AREL1: variants seen among roughly 807,000 people sequenced by gnomAD.
The protein encoded by AREL1 is apoptosis resistant E3 ubiquitin protein ligase 1, also known as apoptosis-resistant E3 ubiquitin protein ligase 1.
AREL1 carries 62 observed loss-of-function variants against 99.0 expected under a neutral mutation model. That is an observed-to-expected ratio of 0.63 (90% CI 0.51 to 0.77). The LOEUF (loss-of-function observed/expected upper bound fraction) is 0.77. Among genes scored for constraint, AREL1 ranks in the 30% least tolerant of loss-of-function variants. The pLI is 0.00. For synonymous variants in AREL1, 380 were observed against 376.5 expected, an observed-to-expected ratio of 1.01 and a Z score of -0.11; for missense variants, 879 against 1,027.6, an observed-to-expected ratio of 0.86 and a Z score of 1.98.
rs544514304 is a variant in AREL1 at position 74,712,902 on chromosome 14, G to A, written c.-334+31C>T. On this transcript the variant is annotated intron_variant, in intron 1 of 19. Transcript: ENST00000356357. ...AACTCTGGTAAAGGCAGGTCTTCTG[G>A]GCTCTGCCTAAGGCTGGAGAGAAAC... 9.6e-6 allele frequency: 6 copies of A among 622,884 alleles called. No homozygotes were observed. The Admixed American group carries it at 1.1e-4, about 11-fold the overall frequency. The allele number at this position is 622,884 out of a possible 1,614,324, so 38.6% of individuals were successfully genotyped here.
At position 74,676,224 on chromosome 14, in the gene AREL1, T is replaced by G; in HGVS notation, c.749A>C (p.His250Pro). 6.2e-7 allele frequency: 1 copy of G among 1,614,154 alleles called. No individual in the cohort carries two copies. Among genetic ancestry groups the G allele is most frequent in the Non-Finnish European group, 8.5e-7 (1 of 1,180,028 alleles). Residue 250 changes from histidine to proline, a missense_variant, in exon 7 of 20, where the codon CAT (histidine) becomes CCT (proline). His to Pro is a moderately conservative substitution (Grantham distance 77). Coordinates refer to ENST00000356357, the MANE Select transcript of AREL1 (RefSeq NM_001039479.2). ...TFQVFLRLTL[H>P]SRGCFHACIS... is the part of the protein sequence containing the mutation. ...GCAAGCATGGAAGCAGCCTCGAGAATGCAGGGTGAGTCGCAAGAACACCTG... is the reference window on the plus strand; with the variant it reads ...GCAAGCATGGAAGCAGCCTCGAGAAGGCAGGGTGAGTCGCAAGAACACCTG...
rs1404444657 is a variant in AREL1 at position 74,663,694 on chromosome 14, G to A, written c.*26C>T. Reference sequence around the variant, plus strand: ...CGCCCAGAAGCTCCAGAGAGCATGGGAGCCAACTGGATGACAGGAGAGTGG... The same window carrying A: ...CGCCCAGAAGCTCCAGAGAGCATGGAAGCCAACTGGATGACAGGAGAGTGG... On this transcript the variant is annotated 3_prime_UTR_variant, in exon 20 of 20. Coordinates refer to ENST00000356357, the MANE Select transcript of AREL1 (RefSeq NM_001039479.2). The A allele has an allele frequency of 6.2e-7, 1 of 1,606,542 alleles. No homozygotes were observed. Among genetic ancestry groups the A allele is most frequent in the Non-Finnish European group, 8.5e-7 (1 of 1,174,154 alleles).
chr14:74,671,585 A>T, intron 11 of AREL1, 102 bp from the exon 12 acceptor site: 1 of 665,314 alleles, frequency 1.5e-6, no homozygotes, highest in Non-Finnish European at 2.5e-6. Flanking sequence ...TGGACTAACT[A>T]CGACTGCCTG....
At position 74,669,685 on chromosome 14, in the gene AREL1, T is replaced by C. The variant is rs773326414; in HGVS notation, c.1878A>G (p.Ala626=). The C allele has an allele frequency of 3.7e-6, 6 of 1,614,174 alleles. No homozygotes were observed. The South Asian group carries it at 5.5e-5, about 15-fold the overall frequency. ...NDMSEMELVF[A]EEKYNKSGQL... is the part of the protein sequence containing the mutation. ...GACCTGATTTATTATATTTCTCTTC[T>C]GCAAAGACCAGCTCCATCTCACTCA... The change falls in exon 15 of 20, where the codon GCA becomes GCG. Residue 626 remains alanine (A), a synonymous_variant. Coordinates refer to ENST00000356357, the MANE Select transcript of AREL1 (RefSeq NM_001039479.2).
At chr14:74,669,596 C>G (rs1026852265) in intron 15 of AREL1, 53 bp downstream of exon 15, 2 of 1,590,920 alleles carry the variant, frequency 1.3e-6, no homozygotes, top group African/African-American at 2.7e-5. Context: ...GACAGTCCTG[C>G]TCTACAGGAA....
At position 74,685,704 on chromosome 14, in the gene AREL1, T is replaced by G. The variant is rs548455173; in HGVS notation, c.-45-44A>C. The G allele has an allele frequency of 2.0e-5, 31 of 1,537,462 alleles. No homozygotes were observed. In the African/African-American group the frequency reaches 3.7e-4, roughly 18 times the overall value. ...TTTAGTTTTTGTCTCCAACTCTGCC[T>G]CATAGCTATCTCAGAGTAAGACAAA... On this transcript the variant is annotated intron_variant, in intron 2 of 19. Transcript: ENST00000356357.
intron 13 of AREL1, 151 bp from the exon 14 acceptor site, chr14:74,670,277 A>G (rs1350475234): frequency 9.0e-6 from 6 of 666,608 alleles, no homozygotes; most frequent in South Asian, 5.8e-5. Flanking sequence ...GGTAGCCACC[A>G]CTGAGTAATT....
Position 74,675,945 on chromosome 14 carries a change from C to T in AREL1, c.834G>A (p.Glu278=), listed in dbSNP as rs760627224. ...TGCGTTCGACGATATTCTTCTCATC[C>T]TCTGAAGTATAATAAGGAATAAGGT... ...NGEFDIIVLS[E]DEKNIVERNV... is the part of the protein sequence containing the mutation. Residue 278 remains glutamate, a splice_region_variant and synonymous_variant, in exon 8 of 20, where the codon GAG becomes GAA. Transcript: ENST00000356357. 1.3e-6 allele frequency: 2 copies of T among 1,584,862 alleles called. No individual in the cohort carries two copies. The highest frequency in any genetic ancestry group is 2.7e-5 in the African/African-American group (2 of 74,116).
At chr14:74,711,921 C>T (rs2090300333) in intron 1 of AREL1, 1 of 150,994 alleles carries the variant, frequency 6.6e-6, no homozygotes, top group Admixed American at 6.6e-5. Flanking sequence ...CTTTTTTAAA[C>T]CTGATAACAT....
intron 2 of AREL1, among the ~76,000 whole-genome samples, chr14:74,688,049 G>A (rs551832825): frequency 6.0e-5 from 7 of 116,808 alleles, no homozygotes; most frequent in East Asian, 2.3e-4. Context: ...TTTTTTTGAC[G>A]GAGTCTCACA....
chr14:74,686,132 A>T (rs2089743222), intron 2 of AREL1, among the ~76,000 whole-genome samples: 1 of 152,126 alleles, frequency 6.6e-6, no homozygotes, highest in Non-Finnish European at 1.5e-5. Flanking sequence ...TATCATTATC[A>T]TCATGTTGGC....
chr14:74,705,930 A>G (rs1303291950), intron 1 of AREL1, among the ~76,000 whole-genome samples: 2 of 152,236 alleles, frequency 1.3e-5, no homozygotes, highest in Admixed American at 6.5e-5. Flanking sequence ...AATGTTGAGT[A>G]TAACAGGGAA....
chr14:74,684,670 T>C lies in AREL1; in HGVS notation c.27A>G (p.Thr9=). The change falls in exon 4 of 20, where the codon ACA becomes ACG. Residue 9 remains threonine (T), a synonymous_variant. Coordinates refer to ENST00000356357, the MANE Select transcript of AREL1 (RefSeq NM_001039479.2). ...TGAAGAAGAATGCAACCACAGACAC[T>C]GTGATTCCACCTATGCAAAAGAGAG... is the stretch of plus-strand genomic sequence containing the variant. MFYVIGGI[T]VSVVAFFFTI... is the part of the protein sequence containing the mutation. 3 of 1,614,082 alleles carry C rather than the reference T, an allele frequency of 1.9e-6. No individual in the cohort carries two copies. Among genetic ancestry groups the C allele is most frequent in the Non-Finnish European group, 1.7e-6 (2 of 1,179,990 alleles).
At chr14:74,705,312 T>G (rs1213834130) in intron 1 of AREL1, among the ~76,000 whole-genome samples, 1 of 152,228 alleles carries the variant, frequency 6.6e-6, no homozygotes, top group Non-Finnish European at 1.5e-5. Context: ...GTGCTGGGAT[T>G]ACAGGCGTGA....
chr14:74,700,574 C>T (rs910089430), intron 1 of AREL1, among the ~76,000 whole-genome samples: 5 of 152,222 alleles, frequency 3.3e-5, no homozygotes, highest in East Asian at 1.9e-4. Context: ...TTCAGGAGAT[C>T]GAGACCATTC....
intron 1 of AREL1, among the ~76,000 whole-genome samples, chr14:74,703,137 T>G (rs1358167665): frequency 6.6e-6 from 1 of 152,180 alleles, no homozygotes; most frequent in Non-Finnish European, 1.5e-5. Context: ...ATTAGTCCAT[T>G]TTCACACTGC....
Position 74,670,010 on chromosome 14 carries a change from C to G in AREL1, c.1725G>C (p.Leu575Phe), listed in dbSNP as rs746926987. The change falls in exon 14 of 20, where the codon TTG (leucine) becomes TTC (phenylalanine). Residue 575 changes from leucine (L) to phenylalanine (F), a missense_variant. Physicochemically the swap from Leu to Phe is conservative, Grantham distance 22. Transcript: ENST00000356357. ...ESSLGGAYKQ[L>F]VRARFTRSFL... is the part of the protein sequence containing the mutation. ...AAGAGCGGGTGAAGCGAGCTCGGACCAACTGCTTGTAGGCTCCTCCTAGAG... is the reference window on the plus strand; with the variant it reads ...AAGAGCGGGTGAAGCGAGCTCGGACGAACTGCTTGTAGGCTCCTCCTAGAG... 1.2e-6 allele frequency: 2 copies of G among 1,614,048 alleles called. No homozygotes were observed. Among genetic ancestry groups the G allele is most frequent in the Admixed American group, 1.7e-5 (1 of 60,012 alleles).
rs777204298 is a variant in AREL1, at chr14:74,662,617, G to A, written c.*1103C>T. 9 of 398,352 alleles carry A rather than the reference G, an allele frequency of 2.3e-5. No homozygotes were observed. The highest frequency in any genetic ancestry group is 4.0e-5 in the Non-Finnish European group (9 of 226,064). 24.7% of individuals were successfully genotyped at this position (398,352 alleles called of 1,614,324 possible). On this transcript the variant is annotated 3_prime_UTR_variant, in exon 20 of 20. Coordinates refer to ENST00000356357, the MANE Select transcript of AREL1 (RefSeq NM_001039479.2). ...GGAGCAAAGGGGAGTACAGGGGTTG[G>A]CAGGTGTTTACTGTGTAACATATCA...
rs2089134217 is a variant in AREL1 at position 74,663,553 on chromosome 14, T to A, written c.*167A>T. 1 of 699,100 alleles carries A rather than the reference T, an allele frequency of 1.4e-6. No individual in the cohort carries two copies. The highest frequency in any genetic ancestry group is 2.5e-6 in the Non-Finnish European group (1 of 396,380). The allele number at this position is 699,100 out of a possible 1,614,324, so 43.3% of individuals were successfully genotyped here. Reference sequence around the variant, plus strand: ...GTGGTAGATATGGGCAGGGAGCAGGTGAGGTAAAGACAAGGCTTGTAGGTG... The same window carrying A: ...GTGGTAGATATGGGCAGGGAGCAGGAGAGGTAAAGACAAGGCTTGTAGGTG... On this transcript the variant is annotated 3_prime_UTR_variant, in exon 20 of 20. Transcript: ENST00000356357.
Sources: gnomAD v4.1 joint callset for allele counts (sites outside exome capture counted in the v4.1 genomes callset) on GRCh38, gnomAD v4.1.1 for gene constraint, MANE v1.5 for transcripts, NCBI Gene and HGNC (gene_info 2026-07-23, HGNC 2026-07-21) for gene names.